The following DCC variants were observed in gnomAD, a reference collection of about 807,000 sequenced individuals.
DCC encodes the protein DCC netrin 1 receptor, also known as netrin receptor DCC.
A neutral mutation model predicts 172.5 loss-of-function variants in DCC; 58 were observed. The observed-to-expected ratio is 0.34, with a 90% CI of 0.27 to 0.42. DCC has a LOEUF of 0.42. Among genes scored for constraint, DCC ranks in the 10% least tolerant of loss-of-function variants. The pLI, the probability that DCC is intolerant of heterozygous loss-of-function variation, is 1.00. For synonymous variants in DCC, 709 were observed against 644.5 expected, an observed-to-expected ratio of 1.10 and a Z score of -1.52; for missense variants, 1,740 against 1,791.0, an observed-to-expected ratio of 0.97 and a Z score of 0.51.
intron 2 of DCC, among the ~76,000 whole-genome samples, chr18:52,853,248 A>C (rs1009092754): frequency 3.3e-5 from 5 of 152,154 alleles, no homozygotes; most frequent in Non-Finnish European, 5.9e-5. Flanking sequence ...AGTGCCTGGC[A>C]CAGAGCTGGG....
At chr18:53,270,411 ATAGAG>A (rs1368460348) in intron 12 of DCC, among the ~76,000 whole-genome samples, 1 of 152,154 alleles carries the variant, frequency 6.6e-6, no homozygotes, top group Non-Finnish European at 1.5e-5. Flanking sequence ...TATAGGAAGA[ATAGAG>A]TATTCAAAAT....
chr18:52,606,135 A>C (rs2144826950), intron 1 of DCC, among the ~76,000 whole-genome samples: 1 of 152,174 alleles, frequency 6.6e-6, no homozygotes. Context: ...TCAGTGTGAA[A>C]TTGCCACTTC....
chr18:52,567,513 T>C (rs569632398), intron 1 of DCC, among the ~76,000 whole-genome samples: 6 of 152,220 alleles, frequency 3.9e-5, no homozygotes, highest in African/African-American at 1.4e-4. Flanking sequence ...GTGTCACAGG[T>C]TGCTCTTATT....
intron 5 of DCC, among the ~76,000 whole-genome samples, chr18:52,989,684 C>A (rs2041352198): frequency 6.6e-6 from 1 of 152,114 alleles, no homozygotes; most frequent in African/African-American, 2.4e-5. Context: ...CAACAACACA[C>A]CATTTCTCCC....
intron 1 of DCC, among the ~76,000 whole-genome samples, chr18:52,358,818 C>T (rs1043950958): frequency 2.0e-5 from 3 of 152,142 alleles, no homozygotes; most frequent in South Asian, 2.1e-4. Flanking sequence ...AGGCAGCCAC[C>T]GTCTCTTGCC....
chr18:52,958,626 G>A (rs1893569), intron 5 of DCC, among the ~76,000 whole-genome samples: 30,502 of 151,850 alleles, frequency 0.2, 3,377 homozygotes, highest in South Asian at 0.41. Flanking sequence ...ATGGAGACAC[G>A]GAAACACATC....
intron 9 of DCC, among the ~76,000 whole-genome samples, chr18:53,199,607 C>CAT (rs10587373): frequency 2.3e-4 from 34 of 149,568 alleles, no homozygotes; most frequent in African/African-American, 4.7e-4. Context: ...TATGTAAGAA[C>CAT]ATATATATAT....
At chr18:53,307,648 T>C (rs1377658735) in intron 13 of DCC, among the ~76,000 whole-genome samples, 1 of 151,806 alleles carries the variant, frequency 6.6e-6, no homozygotes, top group Non-Finnish European at 1.5e-5. Flanking sequence ...AAAAAGCTAA[T>C]GATTGGATGT....
At chr18:52,771,480 C>A (rs1271395755) in intron 2 of DCC, among the ~76,000 whole-genome samples, 4 of 152,150 alleles carry the variant, frequency 2.6e-5, no homozygotes, top group African/African-American at 4.8e-5. Flanking sequence ...CTTTCCTATA[C>A]TCTATGGAGG....
intron 1 of DCC, among the ~76,000 whole-genome samples, chr18:52,387,574 T>TCTTCCTTCTTCCTTC (rs1985852526): frequency 8.2e-6 from 1 of 121,996 alleles, no homozygotes; most frequent in African/African-American, 3.3e-5. Flanking sequence ...TTGTTTTGTT[T>TCTTCCTTCTTCCTTC]CTTCCTTCCT....
chr18:52,749,361 A>T (rs900410418), intron 1 of DCC, among the ~76,000 whole-genome samples: 1 of 152,000 alleles, frequency 6.6e-6, no homozygotes, highest in Admixed American at 6.5e-5. Context: ...CTGGGGACCC[A>T]CCCCTGTCTG....
chr18:53,535,576 A>G lies in DCC; in HGVS notation c.*4923A>G, dbSNP rs2046566027. On this transcript the variant is annotated 3_prime_UTR_variant, in exon 29 of 29. Transcript: ENST00000442544. Reference sequence around the variant, plus strand: ...AGCTTTAACTAGCCTTAGTGAGAAAAGAAATTTTTTGTTGTTACAAAACAC... The same window carrying G: ...AGCTTTAACTAGCCTTAGTGAGAAAGGAAATTTTTTGTTGTTACAAAACAC... The G allele has an allele frequency of 1.3e-5, 2 of 152,248 alleles. No individual in the cohort carries two copies. Among genetic ancestry groups the G allele is most frequent in the South Asian group, 4.1e-4 (2 of 4,836 alleles). The allele number at this position is 152,248 out of a possible 1,614,324, so 9.4% of individuals were successfully genotyped here.
chr18:53,113,479 T>C (rs549679091), intron 7 of DCC, among the ~76,000 whole-genome samples: 8 of 151,506 alleles, frequency 5.3e-5, no homozygotes, highest in Middle Eastern at 3.4e-3. Flanking sequence ...ATTTTTCCTT[T>C]AAAAAAACAG....
Position 53,284,184 on chromosome 18 carries a change from C to T in DCC, c.1912-21394C>T, listed in dbSNP as rs1453801726. On this transcript the variant is annotated intron_variant, in intron 12 of 28. Coordinates refer to ENST00000442544, the MANE Select transcript of DCC (RefSeq NM_005215.4). ...TAGACCCATGTTTTGCCCTGTAGTTCTGTTATGTAAGATCACTAAAAGGAT... is the reference window on the plus strand; with the variant it reads ...TAGACCCATGTTTTGCCCTGTAGTTTTGTTATGTAAGATCACTAAAAGGAT... 2.6e-5 allele frequency among the ~76,000 whole-genome samples: 4 copies of T among 152,098 alleles called. No individual in the cohort carries two copies. In the East Asian group the frequency reaches 5.8e-4, roughly 22 times the overall value.
chr18:53,177,245 G>T (rs1187542232), intron 8 of DCC, among the ~76,000 whole-genome samples: 2 of 151,962 alleles, frequency 1.3e-5, no homozygotes, highest in East Asian at 3.9e-4. Flanking sequence ...ACGAGTTAGT[G>T]GGTGCAGTGC....
intron 7 of DCC, among the ~76,000 whole-genome samples, chr18:53,154,648 C>T (rs902029730): frequency 3.3e-5 from 5 of 152,102 alleles, no homozygotes; most frequent in Middle Eastern, 3.4e-3. Flanking sequence ...GCAGTGGAGA[C>T]GCAATAGTGT....
intron 12 of DCC, among the ~76,000 whole-genome samples, chr18:53,246,512 T>C (rs2144648846): frequency 6.6e-6 from 1 of 151,632 alleles, no homozygotes; most frequent in South Asian, 2.1e-4. Flanking sequence ...ACTAATGCAG[T>C]CACTTAGTGA....
intron 1 of DCC, among the ~76,000 whole-genome samples, chr18:52,413,466 T>C (rs1486231021): frequency 6.6e-6 from 1 of 151,972 alleles, no homozygotes; most frequent in Non-Finnish European, 1.5e-5. Flanking sequence ...CTGTCATCTA[T>C]ATAACCTCTC....
Position 53,219,737 on chromosome 18 carries a change from C to G in DCC, c.1911+4140C>G, listed in dbSNP as rs555696817. Among the ~76,000 whole-genome samples, 147 of 152,258 alleles carry G rather than the reference C, an allele frequency of 9.7e-4. 1 individual carries two copies. The highest frequency in any genetic ancestry group is 3.4e-3 in the African/African-American group (142 of 41,550). On this transcript the variant is annotated intron_variant, in intron 12 of 28. Coordinates refer to ENST00000442544, the MANE Select transcript of DCC (RefSeq NM_005215.4). Reference sequence around the variant, plus strand: ...CCTACGTCTTAAAGTGTCTCACTCTCCCTTGTTTCAGCACAACTTGGCATG... The same window carrying G: ...CCTACGTCTTAAAGTGTCTCACTCTGCCTTGTTTCAGCACAACTTGGCATG...
Sources: allele counts gnomAD v4.1 joint callset (sites outside exome capture counted in the v4.1 genomes callset), GRCh38; gene constraint gnomAD v4.1.1; transcripts MANE v1.5; gene names NCBI Gene and HGNC (gene_info 2026-07-23, HGNC 2026-07-21).